LRTM1: variants seen among roughly 807,000 people sequenced by gnomAD.
The protein encoded by LRTM1 is leucine-rich repeat and transmembrane domain-containing protein 1.
In LRTM1, 38 loss-of-function variants were observed where a neutral mutation model predicts 32.4. The observed-to-expected ratio is 1.17, with a 90% confidence interval of 0.91 to 1.54. The LOEUF is 1.54. Among genes scored for constraint, LRTM1 ranks in the 40% most tolerant of loss-of-function variants. LRTM1 has a pLI of 0.00. For missense variants in LRTM1, 466 were observed against 415.4 expected (o/e 1.12, Z -1.06); for synonymous variants, 186 against 169.9 (o/e 1.09, Z -0.74).
chr3:54,960,787 A>G (rs554758586), intron 1 of LRTM1, among the ~76,000 whole-genome samples: 4 of 152,318 alleles, frequency 2.6e-5, no homozygotes, highest in African/African-American at 9.6e-5. Flanking sequence ...ACATTCCATC[A>G]TGCAATTCAT....
chr3:54,921,622 A>G (rs1700853125), intron 2 of LRTM1, among the ~76,000 whole-genome samples: 1 of 152,136 alleles, frequency 6.6e-6, no homozygotes, highest in Non-Finnish European at 1.5e-5. Flanking sequence ...AATTAATTGA[A>G]TTAATTAATG....
At chr3:54,933,668 T>A (rs910399832) in intron 1 of LRTM1, among the ~76,000 whole-genome samples, 3 of 152,202 alleles carry the variant, frequency 2.0e-5, no homozygotes. Context: ...GACATTAAGT[T>A]TCAAATGACC....
chr3:54,936,639 A>C (rs147577270), intron 1 of LRTM1, among the ~76,000 whole-genome samples: 5 of 152,032 alleles, frequency 3.3e-5, no homozygotes, highest in African/African-American at 1.2e-4. Flanking sequence ...TACCTACTAC[A>C]TGCTCGTGCT....
At position 54,918,332 on chromosome 3, in the gene LRTM1, CTTTTTTTTTTTTTTTTTT is replaced by C. The variant is rs533596688; in HGVS notation, c.*109_*126del. 4 of 228,022 alleles carry C rather than the reference CTTTTTTTTTTTTTTTTTT, an allele frequency of 1.8e-5. No homozygotes were observed. Among genetic ancestry groups the C allele is most frequent in the African/African-American group, 1.1e-4 (3 of 27,558 alleles). The allele number at this position is 228,022 out of a possible 1,614,324, so 14.1% of individuals were successfully genotyped here. ...TTTTACAGACACATCTTTTTTTTTT[CTTTTTTTTTTTTTTTTTT>C]TTTTTGTCTTTTGGCAAAAGCAAAA... On this transcript the variant is annotated 3_prime_UTR_variant, in exon 3 of 3. Transcript: ENST00000273286.
chr3:54,937,610 TTCCATA>T (rs1701363136), intron 1 of LRTM1, among the ~76,000 whole-genome samples: 1 of 152,108 alleles, frequency 6.6e-6, no homozygotes, highest in Non-Finnish European at 1.5e-5. Flanking sequence ...AGGTACATGG[TTCCATA>T]AGAGAATGCA....
In LRTM1 at chr3:54,965,616, C is replaced by T. The variant is rs144961882; in HGVS notation, c.-222+1312G>A. On this transcript the variant is annotated intron_variant, in intron 1 of 2. Coordinates refer to the LRTM1 transcript ENST00000493075. ...GCTTAGTACTCACTGAACAAATGGTCGTGAAGTTGATCCATCAATGAAATT... is the reference window on the plus strand; with the variant it reads ...GCTTAGTACTCACTGAACAAATGGTTGTGAAGTTGATCCATCAATGAAATT... Among the ~76,000 whole-genome samples, 7 of 151,602 alleles carry T rather than the reference C, an allele frequency of 4.6e-5. No individual in the cohort carries two copies. The East Asian group carries it at 5.9e-4, about 13-fold the overall frequency.
chr3:54,930,634 C>T (rs11928648), upstream of LRTM1, among the ~76,000 whole-genome samples: 3 of 152,228 alleles, frequency 2.0e-5, no homozygotes, highest in Admixed American at 6.5e-5. Context: ...AAGAAGCACA[C>T]TTTCATGCTG....
At chr3:54,947,016 A>T (rs948435850) in intron 1 of LRTM1, among the ~76,000 whole-genome samples, 1 of 152,216 alleles carries the variant, frequency 6.6e-6, no homozygotes, top group African/African-American at 2.4e-5. Flanking sequence ...TTAGACAAGT[A>T]ATTGGGTCAT....
intron 1 of LRTM1, among the ~76,000 whole-genome samples, chr3:54,963,485 C>T (rs185133749): frequency 6.6e-6 from 1 of 152,286 alleles, no homozygotes; most frequent in Non-Finnish European, 1.5e-5. Context: ...ACTAGTGCAA[C>T]TAAGGAACTA....
intron 1 of LRTM1, among the ~76,000 whole-genome samples, chr3:54,940,344 T>C (rs1334989362): frequency 1.3e-5 from 2 of 152,248 alleles, no homozygotes; most frequent in Non-Finnish European, 1.5e-5. Context: ...TCAACTTCCC[T>C]GTAGTATAGT....
At chr3:54,962,193 G>A (rs545091631) in intron 1 of LRTM1, among the ~76,000 whole-genome samples, 1 of 152,306 alleles carries the variant, frequency 6.6e-6, no homozygotes, top group South Asian at 2.1e-4. Flanking sequence ...GAGTTTCAGA[G>A]AGGACCAACA....
intron 1 of LRTM1, among the ~76,000 whole-genome samples, chr3:54,965,997 G>A (rs1702140859): frequency 1.3e-5 from 2 of 152,132 alleles, no homozygotes; most frequent in Admixed American, 6.5e-5. Context: ...AGATGAAAGC[G>A]CCCCAAGGAG....
At chr3:54,953,099 T>C (rs973347294) in intron 1 of LRTM1, among the ~76,000 whole-genome samples, 1 of 152,246 alleles carries the variant, frequency 6.6e-6, no homozygotes, top group Non-Finnish European at 1.5e-5. Flanking sequence ...GTATTTAATG[T>C]ACATACCTGT....
At chr3:54,966,399 T>C (rs67676044) in intron 1 of LRTM1, among the ~76,000 whole-genome samples, 64,486 of 152,148 alleles carry the variant, frequency 0.42, 14,672 homozygotes, top group East Asian at 0.57. Context: ...TCTCCAATGC[T>C]GGGAAGAACA....
At chr3:54,927,581 T>C (rs780279966) in intron 1 of LRTM1, among the ~76,000 whole-genome samples, 7 of 152,154 alleles carry the variant, frequency 4.6e-5, no homozygotes, top group African/African-American at 7.2e-5. Context: ...TTGTAGCCAA[T>C]TTGTTCATTC....
chr3:54,927,292 G>T (rs1014305405), intron 1 of LRTM1, among the ~76,000 whole-genome samples: 4 of 152,192 alleles, frequency 2.6e-5, no homozygotes, highest in African/African-American at 9.7e-5. Flanking sequence ...AGTCTTCTCA[G>T]TTTAATTTAG....
intron 2 of LRTM1, among the ~76,000 whole-genome samples, chr3:54,919,278 T>G (rs1457514851): frequency 6.6e-6 from 1 of 152,178 alleles, no homozygotes; most frequent in Non-Finnish European, 1.5e-5. Context: ...CAAGAAAACT[T>G]TTGTACCAGA....
intron 1 of LRTM1, among the ~76,000 whole-genome samples, chr3:54,934,991 G>T (rs766085939): frequency 5.3e-5 from 8 of 152,212 alleles, no homozygotes; most frequent in Non-Finnish European, 8.8e-5. Flanking sequence ...ACCCGCCTTG[G>T]CCTCCCAAAG....
At chr3:54,934,755 CAG>C (rs577837650) in intron 1 of LRTM1, among the ~76,000 whole-genome samples, 54 of 152,206 alleles carry the variant, frequency 3.5e-4, no homozygotes, top group African/African-American at 1.2e-3. Flanking sequence ...TTTGTTGAGA[CAG>C]AGTGTCACCT....
Sources: allele counts gnomAD v4.1 joint callset (sites outside exome capture counted in the v4.1 genomes callset), GRCh38; gene constraint gnomAD v4.1.1; transcripts MANE v1.5; gene names NCBI Gene and HGNC (gene_info 2026-07-23, HGNC 2026-07-21).